ZNF431: variants seen among roughly 807,000 people sequenced by gnomAD.
ZNF431 encodes the protein zinc finger protein 431.
ZNF431 carries 34 observed loss-of-function variants against 57.0 expected under a neutral mutation model. That is an observed-to-expected ratio of 0.60 (90% CI 0.45 to 0.79). The LOEUF (loss-of-function observed/expected upper bound fraction) is 0.79. Among genes scored for constraint, ZNF431 ranks in the 30% least tolerant of loss-of-function variants. The probability of loss-of-function intolerance (pLI) is 0.00; values close to 1 mark genes in which losing one functional copy is unlikely to be tolerated. For missense variants in ZNF431, 607 were observed against 667.1 expected (o/e 0.91, Z 0.99); for synonymous variants, 207 against 220.3 (o/e 0.94, Z 0.54).
chr19:21,168,044 T>C (rs1188502891), intron 4 of ZNF431, among the ~76,000 whole-genome samples: 2 of 152,228 alleles, frequency 1.3e-5, no homozygotes, highest in Non-Finnish European at 2.9e-5. Context: ...GTTCTCTTTT[T>C]GAATCCTGTC....
intron 1 of ZNF431, among the ~76,000 whole-genome samples, chr19:21,142,973 C>T (rs1802035141): frequency 6.6e-6 from 1 of 151,984 alleles, no homozygotes; most frequent in African/African-American, 2.4e-5. Context: ...TTTCACAGTC[C>T]ATGGGGAGCT....
intron 2 of ZNF431, among the ~76,000 whole-genome samples, chr19:21,159,583 G>A (rs1222020869): frequency 1.3e-5 from 2 of 152,108 alleles, no homozygotes; most frequent in Non-Finnish European, 2.9e-5. Flanking sequence ...ATGTTGGCCA[G>A]GATCGTCTTG....
rs1308189661 is a variant in ZNF431, at chr19:21,188,563, G to T, written c.*4529G>T. The T allele has an allele frequency of 6.6e-6, 1 of 152,048 alleles. No individual in the cohort carries two copies. 9.4% of individuals were successfully genotyped at this position (152,048 alleles called of 1,614,324 possible). Reference sequence around the variant, plus strand: ...ATGACTTCAGTGGATTTAAAATTTTGAAAAATAATGTCTTTTCTATATTGA... The same window carrying T: ...ATGACTTCAGTGGATTTAAAATTTTTAAAAATAATGTCTTTTCTATATTGA... On this transcript the variant is annotated 3_prime_UTR_variant, in exon 5 of 5. Coordinates refer to ENST00000311048, the MANE Select transcript of ZNF431 (RefSeq NM_133473.4).
At chr19:21,182,070 TATC>T (rs1971222893) in intron 4 of ZNF431, among the ~76,000 whole-genome samples, 1 of 151,984 alleles carries the variant, frequency 6.6e-6, no homozygotes, top group African/African-American at 2.4e-5. Context: ...TCATTTGCTG[TATC>T]TGTTCCCTGT....
rs745925800 is a variant in ZNF431, at chr19:21,182,686, A to G, written c.383A>G (p.Gln128Arg). 1 of 1,613,638 alleles carries G rather than the reference A, an allele frequency of 6.2e-7. No individual in the cohort carries two copies. Among genetic ancestry groups the G allele is most frequent in the East Asian group, 2.2e-5 (1 of 44,822 alleles). Reference sequence around the variant, plus strand: ...CAAGACATAAAAGATTCTTTTCAACAAGTAATACTGAGAAGATATGGCAAA... The same window carrying G: ...CAAGACATAAAAGATTCTTTTCAACGAGTAATACTGAGAAGATATGGCAAA... ...PEQDIKDSFQQVILRRYGKCE... is the reference protein window; with the variant it reads ...PEQDIKDSFQRVILRRYGKCE... Residue 128 changes from glutamine (Q) to arginine (R), a missense_variant, in exon 5 of 5, where the codon CAA (glutamine) becomes CGA (arginine). Gln to Arg is a conservative substitution (Grantham distance 43, BLOSUM62 1). Coordinates refer to ENST00000311048, the MANE Select transcript of ZNF431 (RefSeq NM_133473.4).
chr19:21,154,874 T>C (rs1599584016), intron 2 of ZNF431, among the ~76,000 whole-genome samples: 1 of 152,212 alleles, frequency 6.6e-6, no homozygotes, highest in Non-Finnish European at 1.5e-5. Flanking sequence ...GTTGTTTGTT[T>C]TTTTCTTATA....
intron 4 of ZNF431, among the ~76,000 whole-genome samples, chr19:21,167,895 G>A (rs1970768629): frequency 6.6e-6 from 1 of 152,122 alleles, no homozygotes; most frequent in South Asian, 2.1e-4. Flanking sequence ...CTTCCTTCAA[G>A]TCTACAAGAG....
intron 4 of ZNF431, among the ~76,000 whole-genome samples, chr19:21,172,723 A>G (rs998974169): frequency 1.3e-5 from 2 of 152,186 alleles, no homozygotes; most frequent in African/African-American, 4.8e-5. Context: ...ACTTGAGCCT[A>G]GGAGTTTGAG....
chr19:21,148,706 A>C (rs1010311379), intron 2 of ZNF431, among the ~76,000 whole-genome samples: 2 of 152,218 alleles, frequency 1.3e-5, no homozygotes, highest in African/African-American at 2.4e-5. Flanking sequence ...TTAGTAGTCA[A>C]AATTAGATGT....
chr19:21,178,716 T>G (rs1330071773), intron 4 of ZNF431, among the ~76,000 whole-genome samples: 1 of 152,106 alleles, frequency 6.6e-6, no homozygotes, highest in Non-Finnish European at 1.5e-5. Flanking sequence ...CTTTTTGACG[T>G]GCTGCTGGAT....
At chr19:21,160,616 C>T (rs1328624627) in intron 2 of ZNF431, among the ~76,000 whole-genome samples, 3 of 152,220 alleles carry the variant, frequency 2.0e-5, no homozygotes, top group Non-Finnish European at 4.4e-5. Flanking sequence ...TAAGAACCGT[C>T]TCACAATCAC....
In ZNF431 at chr19:21,182,951, T is replaced by G; in HGVS notation, c.648T>G (p.Leu216=). The G allele has an allele frequency of 1.2e-6, 2 of 1,614,086 alleles. No homozygotes were observed. Among genetic ancestry groups the G allele is most frequent in the Non-Finnish European group, 1.7e-6 (2 of 1,179,960 alleles). The part of the protein sequence containing the change: ...CKKCGKSFCM[L]LHLSQHKRIH... ...AATGTGGCAAATCATTTTGCATGCTTTTACACCTAAGTCAACATAAAAGAA... is the reference window on the plus strand; with the variant it reads ...AATGTGGCAAATCATTTTGCATGCTGTTACACCTAAGTCAACATAAAAGAA... The change falls in exon 5 of 5, where the codon CTT becomes CTG. Residue 216 remains leucine (L), a synonymous_variant. Coordinates refer to ENST00000311048, the MANE Select transcript of ZNF431 (RefSeq NM_133473.4).
rs1417148879 is a variant in ZNF431, at chr19:21,184,561, G to A, written c.*527G>A. 6.5e-6 allele frequency: 1 copy of A among 153,526 alleles called. No homozygotes were observed. The highest frequency in any genetic ancestry group is 2.4e-5 in the African/African-American group (1 of 41,426). The allele number at this position is 153,526 out of a possible 1,614,324, so 9.5% of individuals were successfully genotyped here. ...GAAATCCTAGAAATCTGAAGAGTGA[G>A]ATAAAGCCTTTAAATGGTTGTCACA... On this transcript the variant is annotated 3_prime_UTR_variant, in exon 5 of 5. Transcript: ENST00000311048.
Position 21,163,756 on chromosome 19 carries a change from G to A in ZNF431, c.97-2579G>A, listed in dbSNP as rs572703254. Among the ~76,000 whole-genome samples the A allele has an allele frequency of 1.4e-4, 22 of 152,184 alleles. No homozygotes were observed. The South Asian group carries it at 1.7e-3, about 11-fold the overall frequency. On this transcript the variant is annotated intron_variant, in intron 2 of 4. Coordinates refer to ENST00000311048, the MANE Select transcript of ZNF431 (RefSeq NM_133473.4). ...GCTGGTCTTGAACTCCAGACCTCAG[G>A]TGATCCGCCCCACTCTGTGTCCCAA...
At chr19:21,177,597 G>A (rs986924126) in intron 4 of ZNF431, among the ~76,000 whole-genome samples, 20 of 152,184 alleles carry the variant, frequency 1.3e-4, no homozygotes, top group Non-Finnish European at 8.8e-5. Flanking sequence ...GAAAAGCCTG[G>A]CTAACATAGT....
At chr19:21,154,082 G>A (rs1326431796) in intron 2 of ZNF431, among the ~76,000 whole-genome samples, 1 of 152,096 alleles carries the variant, frequency 6.6e-6, no homozygotes, top group Non-Finnish European at 1.5e-5. Context: ...GTGCAGGTTA[G>A]TTATATAGTA....
chr19:21,166,405 A>G lies in ZNF431; in HGVS notation c.167A>G (p.Gln56Arg). The stretch of plus-strand genomic sequence containing the variant: ...GAGTGGGAATGCCTGAACCCTGCTC[A>G]GCAGAATTTATATATGAATGTGATG... ...LEEWECLNPA[Q>R]QNLYMNVMLE... The change falls in exon 3 of 5, where the codon CAG (glutamine) becomes CGG (arginine). Residue 56 changes from glutamine (Q) to arginine (R), a missense_variant. Physicochemically the swap from Gln to Arg is conservative, Grantham distance 43. Transcript: ENST00000311048. The G allele has an allele frequency of 6.2e-7, 1 of 1,611,198 alleles. No homozygotes were observed. The highest frequency in any genetic ancestry group is 8.5e-7 in the Non-Finnish European group (1 of 1,179,424).
chr19:21,147,164 AT>A (rs1328424849), intron 2 of ZNF431, among the ~76,000 whole-genome samples: 1 of 152,108 alleles, frequency 6.6e-6, no homozygotes, highest in Non-Finnish European at 1.5e-5. Flanking sequence ...TAATGTCACA[AT>A]TTCTAAAGTT....
chr19:21,181,321 T>C (rs1309288372), intron 4 of ZNF431, among the ~76,000 whole-genome samples: 1 of 152,170 alleles, frequency 6.6e-6, no homozygotes, highest in African/African-American at 2.4e-5. Flanking sequence ...TTTTAAAGGT[T>C]TTTTTTCTTT....
Sources: gnomAD v4.1 joint callset for allele counts (sites outside exome capture counted in the v4.1 genomes callset) on GRCh38, gnomAD v4.1.1 for gene constraint, MANE v1.5 for transcripts, NCBI Gene and HGNC (gene_info 2026-07-23, HGNC 2026-07-21) for gene names.